The following GALNT13 variants were observed in gnomAD, a reference collection of about 807,000 sequenced individuals.
GALNT13 encodes the protein UDP-GalNAc:polypeptide N-acetylgalactosaminyltransferase 13.
A neutral mutation model predicts 64.2 loss-of-function variants in GALNT13; 28 were observed. The observed-to-expected ratio is 0.44, with a 90% confidence interval of 0.32 to 0.60. GALNT13 has a LOEUF of 0.60. Ranked by LOEUF, GALNT13 falls within the 20% of genes least tolerant of loss-of-function variation. The probability of loss-of-function intolerance (pLI) is 0.05; values close to 1 mark genes in which losing one functional copy is unlikely to be tolerated. For missense variants in GALNT13, 577 were observed against 669.8 expected (o/e 0.86, Z 1.53); for synonymous variants, 214 against 224.6 (o/e 0.95, Z 0.42).
the GALNT13 span, among the ~76,000 whole-genome samples, chr2:153,834,644 G>A: frequency 5.3e-5 from 8 of 152,220 alleles, no homozygotes; most frequent in East Asian, 1.5e-3. Flanking sequence ...GGAGGCAAGA[G>A]TATCTATGCT....
At chr2:153,188,799 A>C in the GALNT13 span, among the ~76,000 whole-genome samples, 8 of 152,066 alleles carry the variant, frequency 5.3e-5, no homozygotes, top group Non-Finnish European at 1.0e-4. Flanking sequence ...ATTTGTTGTT[A>C]GTCTCTTTTC....
chr2:153,718,761 G>A, the GALNT13 span, among the ~76,000 whole-genome samples: 1 of 152,154 alleles, frequency 6.6e-6, no homozygotes, highest in Non-Finnish European at 1.5e-5. Context: ...GTGTTGTTAA[G>A]AACAATTCAC....
At chr2:153,882,645 T>C (rs1686859657) in intron 1 of GALNT13, among the ~76,000 whole-genome samples, 2 of 151,680 alleles carry the variant, frequency 1.3e-5, no homozygotes, top group East Asian at 1.9e-4. Flanking sequence ...TTTTTTTTTT[T>C]CTTGAGCCAG....
At chr2:154,424,445 G>A (rs778452196) in intron 11 of GALNT13, among the ~76,000 whole-genome samples, 11 of 152,044 alleles carry the variant, frequency 7.2e-5, no homozygotes, top group Non-Finnish European at 1.2e-4. Flanking sequence ...ACTGTCTTTC[G>A]TAACACACAA....
chr2:153,598,912 A>G, the GALNT13 span, among the ~76,000 whole-genome samples: 2 of 152,040 alleles, frequency 1.3e-5, no homozygotes, highest in Non-Finnish European at 2.9e-5. Flanking sequence ...TCATAGCCAG[A>G]TTTATAAAGT....
At chr2:153,356,789 C>CTTTTTTTTT in the GALNT13 span, among the ~76,000 whole-genome samples, 4 of 104,904 alleles carry the variant, frequency 3.8e-5, 1 homozygote, top group African/African-American at 1.3e-4. Context: ...TCTTCTTCCT[C>CTTTTTTTTT]TTTTTTTTTT....
At chr2:154,181,194 T>A (rs1272683490) in intron 4 of GALNT13, among the ~76,000 whole-genome samples, 1 of 152,216 alleles carries the variant, frequency 6.6e-6, no homozygotes, top group Admixed American at 6.6e-5. Context: ...ATTTAGTCAC[T>A]TTTATGATTT....
the GALNT13 span, among the ~76,000 whole-genome samples, chr2:153,093,555 A>G: frequency 6.6e-6 from 1 of 152,028 alleles, no homozygotes; most frequent in South Asian, 2.1e-4. Flanking sequence ...GGATCTTTCT[A>G]ATGTATTGTT....
At chr2:153,449,287 G>T in the GALNT13 span, among the ~76,000 whole-genome samples, 2 of 152,096 alleles carry the variant, frequency 1.3e-5, no homozygotes, top group African/African-American at 4.8e-5. Flanking sequence ...GAAGGTGGGG[G>T]TCAACAGTTT....
intron 3 of GALNT13, among the ~76,000 whole-genome samples, chr2:154,120,024 C>G (rs1295442569): frequency 6.6e-6 from 1 of 152,060 alleles, no homozygotes; most frequent in East Asian, 1.9e-4. Context: ...GCATTGTTGT[C>G]TGTACATTTG....
chr2:153,507,526 G>C, the GALNT13 span, among the ~76,000 whole-genome samples: 1 of 152,070 alleles, frequency 6.6e-6, no homozygotes, highest in Non-Finnish European at 1.5e-5. Flanking sequence ...TGATCCACTA[G>C]CCTCGGCCTC....
At chr2:153,436,805 T>C in the GALNT13 span, among the ~76,000 whole-genome samples, 1 of 152,178 alleles carries the variant, frequency 6.6e-6, no homozygotes, top group Non-Finnish European at 1.5e-5. Flanking sequence ...TTTTGAACGG[T>C]TTTTCATGTC....
At chr2:153,651,365 T>C in the GALNT13 span, among the ~76,000 whole-genome samples, 1 of 152,282 alleles carries the variant, frequency 6.6e-6, no homozygotes, top group East Asian at 1.9e-4. Flanking sequence ...CCAGGGTTCA[T>C]ACCTAATTAT....
At chr2:153,917,032 C>A (rs142405564) in intron 2 of GALNT13, among the ~76,000 whole-genome samples, 1 of 152,138 alleles carries the variant, frequency 6.6e-6, no homozygotes, top group Non-Finnish European at 1.5e-5. Context: ...AAATTATACA[C>A]CTCTGGGCCT....
chr2:153,287,882 G>T, the GALNT13 span, among the ~76,000 whole-genome samples: 1 of 152,214 alleles, frequency 6.6e-6, no homozygotes, highest in East Asian at 1.9e-4. Context: ...TAGGTCCGTG[G>T]GCACAGGCCC....
chr2:153,766,739 C>T, the GALNT13 span, among the ~76,000 whole-genome samples: 6 of 151,880 alleles, frequency 4.0e-5, no homozygotes, highest in East Asian at 1.2e-3. Context: ...TATTAGTGTT[C>T]TCATTTTGTT....
chr2:153,630,595 A>G, the GALNT13 span, among the ~76,000 whole-genome samples: 3 of 149,390 alleles, frequency 2.0e-5, no homozygotes, highest in African/African-American at 7.4e-5. Context: ...ACATGTATAC[A>G]TATGTAACTA....
the GALNT13 span, among the ~76,000 whole-genome samples, chr2:153,467,903 G>A: frequency 1.8e-4 from 27 of 152,128 alleles, no homozygotes; most frequent in African/African-American, 6.5e-4. Context: ...ATCAGTGTGG[G>A]AGTAAGATCT....
the GALNT13 span, among the ~76,000 whole-genome samples, chr2:153,348,616 A>G: frequency 6.6e-6 from 1 of 152,226 alleles, no homozygotes. Context: ...AAAATAATAT[A>G]TTTTGGAAAA....
Sources: gnomAD v4.1 joint callset for allele counts (sites outside exome capture counted in the v4.1 genomes callset) on GRCh38, gnomAD v4.1.1 for gene constraint, MANE v1.5 for transcripts, NCBI Gene and HGNC (gene_info 2026-07-23, HGNC 2026-07-21) for gene names.